The following P4HA3 variants were observed in gnomAD, a reference collection of about 807,000 sequenced individuals.
P4HA3 encodes prolyl 4-hydroxylase subunit alpha-3.
P4HA3 carries 60 observed loss-of-function variants against 66.7 expected under a neutral mutation model. The ratio of observed to expected loss-of-function variants is 0.90; its 90% CI spans 0.73 to 1.12. P4HA3 has a LOEUF of 1.12. Ranked by LOEUF, P4HA3 falls within the 50% of genes most tolerant of loss-of-function variation. P4HA3 has a pLI of 0.00. For missense variants in P4HA3, 683 were observed against 685.8 expected (o/e 1.00, Z 0.05); for synonymous variants, 263 against 274.6 (o/e 0.96, Z 0.42).
chr11:74,272,914 G>A (rs1359103796), intron 10 of P4HA3, among the ~76,000 whole-genome samples: 3 of 152,210 alleles, frequency 2.0e-5, no homozygotes, highest in African/African-American at 4.8e-5. Flanking sequence ...AAGGGGACAG[G>A]TGAGATGATA....
rs1463250171 is a variant in P4HA3, at chr11:74,298,209, T to C, written c.717+3A>G. On this transcript the variant is annotated splice_donor_region_variant and intron_variant, in intron 4 of 12. Coordinates refer to ENST00000331597, the MANE Select transcript of P4HA3 (RefSeq NM_182904.5). ...AAGCAGTGAGCTTCACTTACTCCCT[T>C]ACCCGGAAATAAGCAAAGGCCAAGT... The C allele has an allele frequency of 1.9e-6, 3 of 1,613,408 alleles. No individual in the cohort carries two copies. The highest frequency in any genetic ancestry group is 2.2e-5 in the South Asian group (2 of 90,942).
In P4HA3 at chr11:74,304,993, A is replaced by G. The variant is rs556996723; in HGVS notation, c.201-581T>C. Among the ~76,000 whole-genome samples, 4 of 152,244 alleles carry G rather than the reference A, an allele frequency of 2.6e-5. No homozygotes were observed. In the East Asian group the frequency reaches 7.8e-4, roughly 30 times the overall value. On this transcript the variant is annotated intron_variant, in intron 1 of 12. Coordinates refer to ENST00000331597, the MANE Select transcript of P4HA3 (RefSeq NM_182904.5). The stretch of plus-strand genomic sequence containing the variant: ...TAGATCCCTCACATGTGCAGTTCAC[A>G]ATAAGGTTCACGCTCCTATGAGAAT...
At chr11:74,291,012 T>C (rs1052338289) in intron 4 of P4HA3, among the ~76,000 whole-genome samples, 3 of 152,242 alleles carry the variant, frequency 2.0e-5, no homozygotes, top group South Asian at 2.1e-4. Context: ...GCAGATGGCA[T>C]TGAATCTATA....
chr11:74,285,709 T>C, intron 7 of P4HA3, 100 bp downstream of exon 7: 1 of 1,293,754 alleles, frequency 7.7e-7, no homozygotes, highest in Non-Finnish European at 1.1e-6. Flanking sequence ...CCTTGGCTCT[T>C]TGAGGTGTCT....
At chr11:74,257,146 T>TA (rs1361770342) in intron 15 of P4HA3, among the ~76,000 whole-genome samples, 3 of 152,130 alleles carry the variant, frequency 2.0e-5, no homozygotes, top group Admixed American at 6.5e-5. Flanking sequence ...TTCTTTTTTT[T>TA]AGACAGTCTC....
At chr11:74,289,432 T>C (rs778450521) in intron 4 of P4HA3, among the ~76,000 whole-genome samples, 2 of 152,010 alleles carry the variant, frequency 1.3e-5, no homozygotes, top group South Asian at 2.1e-4. Flanking sequence ...TTCTGTTGAA[T>C]TGTTTTTTCT....
In P4HA3 at chr11:74,302,472, G is replaced by A; in HGVS notation, c.464C>T (p.Ala155Val). The A allele has an allele frequency of 6.2e-7, 1 of 1,614,156 alleles. No homozygotes were observed. Among genetic ancestry groups the A allele is most frequent in the Non-Finnish European group, 8.5e-7 (1 of 1,180,026 alleles). Residue 155 changes from alanine to valine, a missense_variant, in exon 3 of 13, where the codon GCC becomes GTC. Coordinates refer to ENST00000331597, the MANE Select transcript of P4HA3 (RefSeq NM_182904.5). ...DVYMLNVKGL[A>V]RGVFQRVTGS... ...AGTGACTCTCTGAAAGACACCTCGG[G>A]CCAGGCCTTTCACATTGAGCATGTA...
chr11:74,280,719 G>C (rs1389096059), intron 7 of P4HA3, among the ~76,000 whole-genome samples: 1 of 152,168 alleles, frequency 6.6e-6, no homozygotes, highest in Admixed American at 6.5e-5. Flanking sequence ...TACTCACAGG[G>C]CTCAGACCCA....
chr11:74,266,487 A>G (rs1349865225), downstream of P4HA3, among the ~76,000 whole-genome samples: 3 of 152,218 alleles, frequency 2.0e-5, no homozygotes, highest in Admixed American at 1.3e-4. Flanking sequence ...TTGCATCTGT[A>G]CTGAGCATGT....
intron 11 of P4HA3, 148 bp downstream of exon 11, chr11:74,269,504 T>A (rs1231507749): frequency 6.8e-6 from 5 of 731,338 alleles, no homozygotes. Context: ...AAGAAGACTA[T>A]GGGATGATCT....
intron 10 of P4HA3, among the ~76,000 whole-genome samples, chr11:74,272,353 AAC>A (rs549337246): frequency 6.6e-5 from 10 of 152,304 alleles, no homozygotes; most frequent in Non-Finnish European, 1.3e-4. Context: ...GGGGATAAAG[AAC>A]AGAGATATAT....
At chr11:74,272,426 A>T (rs559363709) in intron 10 of P4HA3, among the ~76,000 whole-genome samples, 1 of 152,144 alleles carries the variant, frequency 6.6e-6, no homozygotes, top group Non-Finnish European at 1.5e-5. Context: ...GTGACCTCCC[A>T]TAACAGCTGG....
intron 3 of P4HA3, 152 bp from the exon 4 acceptor site, chr11:74,298,513 T>C (rs1336860119): frequency 6.7e-6 from 6 of 898,176 alleles, no homozygotes; most frequent in East Asian, 2.5e-5. Context: ...ATCTACTATA[T>C]ACAACGCATT....
intron 9 of P4HA3, among the ~76,000 whole-genome samples, chr11:74,276,082 T>C (rs746936643): frequency 5.3e-5 from 8 of 152,156 alleles, no homozygotes; most frequent in Non-Finnish European, 7.4e-5. Context: ...TCCTCACTTA[T>C]AAGTGGGGGC....
At position 74,311,576 on chromosome 11, in the gene P4HA3, C is replaced by A; in HGVS notation, c.36G>T (p.Ala12=). The change falls in exon 1 of 13, where the codon GCG becomes GCT. Residue 12 remains alanine, a synonymous_variant. Coordinates refer to ENST00000331597, the MANE Select transcript of P4HA3 (RefSeq NM_182904.5). ...GGTCTCCTGTCCCGAGCGCCAGCAC[C>A]GCCAGCAGCGCCGCCAGCCGCGCCC... ...GPGARLAALL[A]VLALGTGDPE... 6.5e-7 allele frequency: 1 copy of A among 1,534,958 alleles called. No homozygotes were observed. The highest frequency in any genetic ancestry group is 2.6e-5 in the East Asian group (1 of 38,030).
intron 11 of P4HA3, among the ~76,000 whole-genome samples, chr11:74,269,346 T>C (rs955770426): frequency 1.3e-5 from 2 of 152,202 alleles, no homozygotes. Flanking sequence ...CTAGATGCTG[T>C]AGAGGATCCA....
downstream of P4HA3, among the ~76,000 whole-genome samples, chr11:74,263,936 A>G (rs1041303015): frequency 1.2e-4 from 19 of 152,166 alleles, no homozygotes; most frequent in African/African-American, 4.6e-4. Context: ...AGAAAGAAAC[A>G]AAATTATAAA....
chr11:74,279,381 T>G lies in P4HA3; in HGVS notation c.1175+7A>C. On this transcript the variant is annotated splice_region_variant and intron_variant, in intron 8 of 12. Transcript: ENST00000331597. ...AGCAGGTATGACCAAGGAAGGGCCC[T>G]TCTTACCTTTTGCTGATGCGGTACT... is the stretch of plus-strand genomic sequence containing the variant. 6.2e-7 allele frequency: 1 copy of G among 1,613,626 alleles called. No individual in the cohort carries two copies. The highest frequency in any genetic ancestry group is 8.5e-7 in the Non-Finnish European group (1 of 1,179,574).
chr11:74,283,678 C>T (rs1860685314), intron 7 of P4HA3, among the ~76,000 whole-genome samples: 1 of 152,220 alleles, frequency 6.6e-6, no homozygotes, highest in East Asian at 1.9e-4. Flanking sequence ...CACACTTCAG[C>T]CACCAAGCTT....
Sources: gnomAD v4.1 joint callset for allele counts (sites outside exome capture counted in the v4.1 genomes callset) on GRCh38, gnomAD v4.1.1 for gene constraint, MANE v1.5 for transcripts, NCBI Gene and HGNC (gene_info 2026-07-23, HGNC 2026-07-21) for gene names.